The following GPHN variants were observed in gnomAD, a reference collection of about 807,000 sequenced individuals.
GPHN encodes gephyrin.
Under a neutral mutation model 95.5 loss-of-function variants are expected in GPHN, and 17 were observed. That is an observed-to-expected ratio of 0.18 (90% CI 0.12 to 0.27). The LOEUF is 0.27. Among genes scored for constraint, GPHN ranks in the 10% least tolerant of loss-of-function variants. The pLI is 1.00. For missense variants in GPHN, 660 were observed against 978.1 expected (o/e 0.67, Z 4.34); for synonymous variants, 320 against 322.5 (o/e 0.99, Z 0.08).
At chr14:67,244,161 A>G in the GPHN span, among the ~76,000 whole-genome samples, 70 of 152,322 alleles carry the variant, frequency 4.6e-4, no homozygotes, top group Middle Eastern at 0.01. Context: ...CCCCTACTGA[A>G]GAATTTTCAG....
chr14:67,123,051 G>A (rs571094108), intron 17 of GPHN, among the ~76,000 whole-genome samples: 82 of 152,278 alleles, frequency 5.4e-4, no homozygotes, highest in African/African-American at 1.7e-3. Flanking sequence ...CTGCCTGGCT[G>A]TCTTTCAAAA....
chr14:66,519,732 C>A (rs975329218), intron 1 of GPHN, among the ~76,000 whole-genome samples: 1 of 152,092 alleles, frequency 6.6e-6, no homozygotes, highest in South Asian at 2.1e-4. Flanking sequence ...AACTCTGTAG[C>A]ATATTTTGGA....
chr14:66,978,981 T>C (rs1156585772), intron 9 of GPHN, among the ~76,000 whole-genome samples: 1 of 152,214 alleles, frequency 6.6e-6, no homozygotes, highest in Non-Finnish European at 1.5e-5. Flanking sequence ...CTAGGTACAA[T>C]GTCAATGAAT....
chr14:66,509,625 C>G (rs1360304487), intron 1 of GPHN, among the ~76,000 whole-genome samples: 3 of 152,110 alleles, frequency 2.0e-5, no homozygotes, highest in East Asian at 3.9e-4. Flanking sequence ...AGTGGCGAGA[C>G]GGGGGTTAAA....
chr14:67,272,253 A>C, the GPHN span, among the ~76,000 whole-genome samples: 1 of 152,144 alleles, frequency 6.6e-6, no homozygotes, highest in Non-Finnish European at 1.5e-5. Context: ...CCTATCTTCC[A>C]CTACTCTCTC....
the GPHN span, among the ~76,000 whole-genome samples, chr14:67,321,694 A>G: frequency 1.7e-4 from 26 of 152,144 alleles, no homozygotes; most frequent in Non-Finnish European, 3.4e-4. Context: ...TATTTTGACT[A>G]TGACCCGTCA....
chr14:66,620,533 G>A (rs1369274785), intron 1 of GPHN, among the ~76,000 whole-genome samples: 2 of 152,062 alleles, frequency 1.3e-5, no homozygotes, highest in African/African-American at 4.8e-5. Flanking sequence ...CATGAGAACA[G>A]CACGGGAAAT....
chr14:66,760,725 T>C, intron 2 of GPHN: 1 of 462,552 alleles, frequency 2.2e-6, no homozygotes. Context: ...GCACTTATAG[T>C]GGATAATTCA....
chr14:67,281,870 A>G, the GPHN span, among the ~76,000 whole-genome samples: 2 of 152,080 alleles, frequency 1.3e-5, no homozygotes, highest in South Asian at 2.1e-4. Flanking sequence ...CTTTTTTACA[A>G]ATTCAGATTA....
the GPHN span, among the ~76,000 whole-genome samples, chr14:67,637,526 G>A: frequency 1.3e-5 from 2 of 151,656 alleles, no homozygotes; most frequent in African/African-American, 2.4e-5. Flanking sequence ...TGTAGCAGAT[G>A]GGTTACAATT....
chr14:67,698,812 G>A, the GPHN span, among the ~76,000 whole-genome samples: 1 of 152,184 alleles, frequency 6.6e-6, no homozygotes, highest in Non-Finnish European at 1.5e-5. Flanking sequence ...TTGAACAAAT[G>A]TGTTCAAATG....
chr14:66,948,704 C>T (rs1193456223), intron 8 of GPHN, among the ~76,000 whole-genome samples: 1 of 152,222 alleles, frequency 6.6e-6, no homozygotes, highest in Non-Finnish European at 1.5e-5. Flanking sequence ...TATTTCAACA[C>T]ATCAAAACCT....
chr14:67,388,188 T>G, the GPHN span: 47 of 1,399,294 alleles, frequency 3.4e-5, no homozygotes, highest in Non-Finnish European at 4.3e-5. Context: ...GGGAGGCCCC[T>G]GAGATCTTCA....
the GPHN span, chr14:67,224,648 A>G: frequency 3.3e-6 from 1 of 307,130 alleles, no homozygotes; most frequent in South Asian, 2.6e-5. Flanking sequence ...CAGTGAGCCC[A>G]AATTATGGGC....
chr14:67,469,657 G>A, the GPHN span, among the ~76,000 whole-genome samples: 2 of 151,810 alleles, frequency 1.3e-5, no homozygotes, highest in Non-Finnish European at 2.9e-5. Context: ...TGGTGGTGGT[G>A]GTGGTGGTGG....
chr14:67,546,547 C>T, the GPHN span, among the ~76,000 whole-genome samples: 369 of 152,208 alleles, frequency 2.4e-3, 4 homozygotes, highest in African/African-American at 8.5e-3. Context: ...CGCGCCACCA[C>T]GCCCAGCTAA....
chr14:67,600,021 T>A, the GPHN span: 1 of 1,555,544 alleles, frequency 6.4e-7, no homozygotes, highest in Admixed American at 1.9e-5. Context: ...GACTTGCCAT[T>A]ACCTCGCAGA....
the GPHN span, among the ~76,000 whole-genome samples, chr14:67,495,585 C>A: frequency 6.6e-6 from 1 of 151,890 alleles, no homozygotes; most frequent in Non-Finnish European, 1.5e-5. Flanking sequence ...CAGATTCAAG[C>A]GATTCTCCTG....
chr14:66,694,687 T>C (rs2068003018), intron 2 of GPHN, among the ~76,000 whole-genome samples: 1 of 152,026 alleles, frequency 6.6e-6, no homozygotes, highest in African/African-American at 2.4e-5. Flanking sequence ...AAAGGTACCA[T>C]CCACAAAAGA....
Sources: allele counts gnomAD v4.1 joint callset (sites outside exome capture counted in the v4.1 genomes callset), GRCh38; gene constraint gnomAD v4.1.1; transcripts MANE v1.5; gene names NCBI Gene and HGNC (gene_info 2026-07-23, HGNC 2026-07-21).